PLPPR2: variants seen among roughly 807,000 people sequenced by gnomAD.
PLPPR2 encodes phospholipid phosphatase related 2.
A neutral mutation model predicts 40.3 loss-of-function variants in PLPPR2; 11 were observed. The ratio of observed to expected loss-of-function variants is 0.27; its 90% confidence interval spans 0.17 to 0.45. The LOEUF is 0.45. Ranked by LOEUF, PLPPR2 falls within the 20% of genes least tolerant of loss-of-function variation. The pLI, the probability that PLPPR2 is intolerant of heterozygous loss-of-function variation, is 1.00. For missense variants in PLPPR2, 497 were observed against 640.7 expected, an observed-to-expected ratio of 0.78 and a Z score of 2.42; for synonymous variants, 260 against 290.8, an observed-to-expected ratio of 0.89 and a Z score of 1.08.
Position 11,362,366 on chromosome 19 carries a change from T to A in PLPPR2, c.664-147T>A. ...GGTCACGCTCCCTGGAAAAGCCCAC[T>A]GGGAGCCCATGACTCCAACCCTGGA... On this transcript the variant is annotated intron_variant, in intron 6 of 9. Transcript: ENST00000688289. The surrounding 1 kb of genome is among the most constrained non-coding windows in gnomAD (Gnocchi z 5.3). 4.2e-6 allele frequency: 3 copies of A among 709,472 alleles called. No homozygotes were observed. Among genetic ancestry groups the A allele is most frequent in the Non-Finnish European group, 6.6e-6 (3 of 456,110 alleles). 43.9% of individuals were successfully genotyped at this position (709,472 alleles called of 1,614,324 possible).
rs769073640 is a variant in PLPPR2 at position 11,359,847 on chromosome 19, CT to C, written c.287del (p.Phe96SerfsTer55). Reference sequence around the variant, plus strand: ...TCCTGCTGGGAGAGCTGGCGCGTGCCTTTTTCCCTGCACCACCTTCAGCCGT... The same window carrying C: ...TCCTGCTGGGAGAGCTGGCGCGTGCCTTTTCCCTGCACCACCTTCAGCCGT... ...TILLGELARAFFPAPPSAVPV... is the reference protein window; with the variant it reads ...TILLGELARAXFPAPPSAVPV... On this transcript the variant is annotated frameshift_variant, in exon 5 of 10. Transcript: ENST00000688289. LOFTEE classifies it high-confidence loss of function. This position sits in a 1 kb window ranked among gnomAD's most constrained non-coding sequence, Gnocchi z 5.6. 5.0e-6 allele frequency: 8 copies of C among 1,613,204 alleles called. No individual in the cohort carries two copies. The highest frequency in any genetic ancestry group is 5.1e-6 in the Non-Finnish European group (6 of 1,179,416).
In PLPPR2 at chr19:11,359,805, T is replaced by G. The variant is rs756422107; in HGVS notation, c.256-16T>G. On this transcript the variant is annotated splice_polypyrimidine_tract_variant and intron_variant, in intron 4 of 9. Coordinates refer to ENST00000688289, the MANE Select transcript of PLPPR2 (RefSeq NM_001393892.1). The surrounding 1 kb of genome is among the most constrained non-coding windows in gnomAD (Gnocchi z 5.6). ...GGCTGGAAGGCCAGAAGACTCCATC[T>G]TGGTCTTGCCCACAGATCCTGCTGG... is the stretch of plus-strand genomic sequence containing the variant. The G allele has an allele frequency of 8.7e-6, 14 of 1,604,890 alleles. No individual in the cohort carries two copies. The highest frequency in any genetic ancestry group is 1.2e-5 in the Non-Finnish European group (14 of 1,173,624).
In PLPPR2 at chr19:11,364,367, C is replaced by G. The variant is rs143779658; in HGVS notation, c.1036C>G (p.Arg346Gly). ...ACCAGAGTCGCAGAACTGCGCCCGCCGTGGCCACCTGATCCCCAGCTGTGT... is the reference window on the plus strand; with the variant it reads ...ACCAGAGTCGCAGAACTGCGCCCGCGGTGGCCACCTGATCCCCAGCTGTGT... ...TPSKSQNCARRGHLIPSCVSS... is the reference protein window; with the variant it reads ...TPSKSQNCARGGHLIPSCVSS... The change falls in exon 10 of 10, where the codon CGT becomes GGT. Residue 346 changes from arginine (R) to glycine (G), a missense_variant. By Grantham distance (125) the Arg-to-Gly change is moderately radical. Transcript: ENST00000688289. This position sits in a 1 kb window ranked among gnomAD's most constrained non-coding sequence, Gnocchi z 5.8. The G allele has an allele frequency of 1.3e-6, 2 of 1,520,404 alleles. No homozygotes were observed. The highest frequency in any genetic ancestry group is 4.6e-5 in the East Asian group (2 of 43,952). The allele number at this position is 1,520,404 out of a possible 1,614,324, so 94.2% of individuals were successfully genotyped here.
In PLPPR2 at chr19:11,361,884, T is replaced by G. The variant is rs921788472; in HGVS notation, c.663+396T>G. The stretch of plus-strand genomic sequence containing the variant: ...AGACTGGGCAGATGGGACGGCCCCC[T>G]GGAGTCCTTGCCCCTCTTCTGGAGC... On this transcript the variant is annotated intron_variant, in intron 6 of 9. Transcript: ENST00000688289. This position sits in a 1 kb window ranked among gnomAD's most constrained non-coding sequence, Gnocchi z 6.3. Among the ~76,000 whole-genome samples the G allele has an allele frequency of 1.2e-4, 18 of 151,972 alleles. No individual in the cohort carries two copies. The highest frequency in any genetic ancestry group is 2.2e-4 in the Non-Finnish European group (15 of 67,966).
intron 3 of PLPPR2, among the ~76,000 whole-genome samples, chr19:11,358,029 CTGTGTGTGTGT>C (rs1287444976): frequency 1.3e-5 from 2 of 149,458 alleles, no homozygotes; most frequent in Non-Finnish European, 3.0e-5. Context: ...GGGCTGTTCT[CTGTGTGTGTGT>C]GTGTGTGTGT....
rs75735316 is a variant in PLPPR2, at chr19:11,359,281, G to A, written c.67-251G>A. ...CAAAGTGCTGGAATTACAGGCACGA[G>A]CCGCTGCACACGGCCCCTCTGTTTC... On this transcript the variant is annotated intron_variant, in intron 3 of 9. Coordinates refer to ENST00000688289, the MANE Select transcript of PLPPR2 (RefSeq NM_001393892.1). The surrounding 1 kb of genome is among the most constrained non-coding windows in gnomAD (Gnocchi z 5.6). Among the ~76,000 whole-genome samples the A allele has an allele frequency of 0.034, 5,202 of 152,254 alleles. 135 individuals carry two copies. The highest frequency in any genetic ancestry group is 0.049 in the Non-Finnish European group (3,334 of 68,002).
In PLPPR2 at chr19:11,359,835, G is replaced by T. The variant is rs774397131; in HGVS notation, c.270G>T (p.Glu90Asp). The change falls in exon 5 of 10, where the codon GAG becomes GAT. Residue 90 changes from glutamate (E) to aspartate (D), a missense_variant. Physicochemically the swap from Glu to Asp is conservative, Grantham distance 45. Coordinates refer to ENST00000688289, the MANE Select transcript of PLPPR2 (RefSeq NM_001393892.1). The surrounding 1 kb of genome is among the most constrained non-coding windows in gnomAD (Gnocchi z 5.6). Reference sequence around the variant, plus strand: ...CTTGCCCACAGATCCTGCTGGGAGAGCTGGCGCGTGCCTTTTTCCCTGCAC... The same window carrying T: ...CTTGCCCACAGATCCTGCTGGGAGATCTGGCGCGTGCCTTTTTCCCTGCAC... ...AGPTLTILLG[E>D]LARAFFPAPP... 1.2e-6 allele frequency: 2 copies of T among 1,612,472 alleles called. No homozygotes were observed. Among genetic ancestry groups the T allele is most frequent in the South Asian group, 2.2e-5 (2 of 90,882 alleles).
Position 11,361,532 on chromosome 19 carries a change from G to C in PLPPR2, c.663+44G>C. The C allele has an allele frequency of 6.4e-7, 1 of 1,553,360 alleles. No individual in the cohort carries two copies. Among genetic ancestry groups the C allele is most frequent in the Non-Finnish European group, 8.7e-7 (1 of 1,153,504 alleles). On this transcript the variant is annotated intron_variant, in intron 6 of 9. Coordinates refer to ENST00000688289, the MANE Select transcript of PLPPR2 (RefSeq NM_001393892.1). This position sits in a 1 kb window ranked among gnomAD's most constrained non-coding sequence, Gnocchi z 6.3. The stretch of plus-strand genomic sequence containing the variant: ...GGGGTCGGAAATGGGTGTGCAGGCT[G>C]GACAGCGACCAGCAGCTAGGAAGCC...
chr19:11,359,759 G>A lies in PLPPR2; in HGVS notation c.255+39G>A, dbSNP rs1414156677. ...GACCTCCTAGGAGGCAGGTGGGCCG[G>A]TAAGGGTGGGTGAGGGGATGGGCTG... On this transcript the variant is annotated intron_variant, in intron 4 of 9. Coordinates refer to ENST00000688289, the MANE Select transcript of PLPPR2 (RefSeq NM_001393892.1). This position sits in a 1 kb window ranked among gnomAD's most constrained non-coding sequence, Gnocchi z 5.6. 1.3e-6 allele frequency: 2 copies of A among 1,579,738 alleles called. No individual in the cohort carries two copies. Among genetic ancestry groups the A allele is most frequent in the African/African-American group, 2.7e-5 (2 of 74,432 alleles).
chr19:11,357,432 G>A (rs1464223572), intron 2 of PLPPR2, among the ~76,000 whole-genome samples: 4 of 151,920 alleles, frequency 2.6e-5, no homozygotes, highest in South Asian at 4.2e-4. Context: ...CTCTTGGGGA[G>A]TGGTGTCAGA....
chr19:11,357,683 G>A lies in PLPPR2; in HGVS notation c.10G>A (p.Gly4Arg), dbSNP rs759554235. 3.4e-5 allele frequency: 54 copies of A among 1,606,950 alleles called. No homozygotes were observed. The highest frequency in any genetic ancestry group is 4.1e-5 in the Non-Finnish European group (48 of 1,176,350). ...AGGCCTGGCCTTCACCATGGCGGGA[G>A]GGAGACCGCATCTGAAGAGGAGTTT... MAGGRPHLKRSFSI... is the reference protein window; with the variant it reads MAGRRPHLKRSFSI... Residue 4 changes from glycine (G) to arginine (R), a missense_variant, in exon 3 of 10, where the codon GGG becomes AGG. Physicochemically the swap from Gly to Arg is moderately radical, Grantham distance 125 (BLOSUM62 -2). Transcript: ENST00000688289.
At position 11,364,584 on chromosome 19, in the gene PLPPR2, C is replaced by T. The variant is rs777844203; in HGVS notation, c.1253C>T (p.Thr418Met). The change falls in exon 10 of 10, where the codon ACG becomes ATG. Residue 418 changes from threonine (T) to methionine (M), a missense_variant. Physicochemically the swap from Thr to Met is moderately conservative, Grantham distance 81. Transcript: ENST00000688289. The surrounding 1 kb of genome is among the most constrained non-coding windows in gnomAD (Gnocchi z 5.8). ...CGTGGCCGGAAGCTGCTGCTGCCCA[C>T]GCCCCTGCTGCGGGACCTGTACACC... ...GGRGRKLLLP[T>M]PLLRDLYTLS... 4 of 1,537,146 alleles carry T rather than the reference C, an allele frequency of 2.6e-6. No individual in the cohort carries two copies. Among genetic ancestry groups the T allele is most frequent in the South Asian group, 2.4e-5 (2 of 84,068 alleles).
chr19:11,356,113 C>T (rs1010281757), intron 1 of PLPPR2, among the ~76,000 whole-genome samples: 1 of 151,386 alleles, frequency 6.6e-6, no homozygotes, highest in Admixed American at 6.6e-5. Flanking sequence ...TGGCTGTGGT[C>T]GTGCGCTGTG....
rs747647591 is a variant in PLPPR2 at position 11,361,350 on chromosome 19, T to C, written c.525T>C (p.Ser175=). ...CGGCCCTGGGCTGCCTGCCACCTTC[T>C]CCGGATCGGCCAGGTCCCGACCGCT... The part of the protein sequence containing the change: ...NYTALGCLPP[S]PDRPGPDRFV... Residue 175 remains serine, a synonymous_variant, in exon 6 of 10, where the codon TCT becomes TCC. Coordinates refer to ENST00000688289, the MANE Select transcript of PLPPR2 (RefSeq NM_001393892.1). This position sits in a 1 kb window ranked among gnomAD's most constrained non-coding sequence, Gnocchi z 6.3. 3.1e-6 allele frequency: 5 copies of C among 1,613,256 alleles called. No homozygotes were observed. The South Asian group carries it at 5.5e-5, about 18-fold the overall frequency.
At chr19:11,357,840 C>T in intron 3 of PLPPR2, 101 bp downstream of exon 3, 1 of 872,520 alleles carries the variant, frequency 1.1e-6, no homozygotes, top group Non-Finnish European at 1.7e-6. Flanking sequence ...TCTGGGATCT[C>T]CCTTGCTGTC....
intron 1 of PLPPR2, 138 bp from the exon 2 acceptor site, chr19:11,356,664 T>TTGTGTGTG (rs66994507): frequency 0.14 from 20,113 of 145,836 alleles, 1,414 homozygotes; most frequent in Middle Eastern, 0.21. Flanking sequence ...TATGCCATGG[T>TTGTGTGTG]TGTGTGTGTG....
rs995896811 is a variant in PLPPR2, at chr19:11,355,453, C to T, written c.-309C>T. ...CGGAGTCTGCGCGGCGCGGCCAGGC[C>T]CGGCCGACCGCGTCTCGGTCTTCGC... is the stretch of plus-strand genomic sequence containing the variant. On this transcript the variant is annotated 5_prime_UTR_variant, in exon 1 of 10. Coordinates refer to ENST00000688289, the MANE Select transcript of PLPPR2 (RefSeq NM_001393892.1). 1 of 152,464 alleles carries T rather than the reference C, an allele frequency of 6.6e-6. No homozygotes were observed. The highest frequency in any genetic ancestry group is 1.5e-5 in the Non-Finnish European group (1 of 68,102). 9.4% of individuals were successfully genotyped at this position (152,464 alleles called of 1,614,324 possible). A position where few individuals can be genotyped will look rare whatever the true frequency, so the allele number is the denominator to read the frequency against.
At position 11,361,578 on chromosome 19, in the gene PLPPR2, T is replaced by G. The variant is rs1388912423; in HGVS notation, c.663+90T>G. ...AAGCCGCCAGGGTTGGAGCCTCTGC[T>G]CTTCCACGCCCCGGGTGCTGTTGGA... On this transcript the variant is annotated intron_variant, in intron 6 of 9. Transcript: ENST00000688289. The surrounding 1 kb of genome is among the most constrained non-coding windows in gnomAD (Gnocchi z 6.3). 6.7e-7 allele frequency: 1 copy of G among 1,498,550 alleles called. No homozygotes were observed. The highest frequency in any genetic ancestry group is 2.0e-5 in the Admixed American group (1 of 49,186). 92.8% of individuals were successfully genotyped at this position (1,498,550 alleles called of 1,614,324 possible).
In PLPPR2 at chr19:11,362,321, C is replaced by CA; in HGVS notation, c.664-192_664-191insA. On this transcript the variant is annotated intron_variant, in intron 6 of 9. Coordinates refer to ENST00000688289, the MANE Select transcript of PLPPR2 (RefSeq NM_001393892.1). The surrounding 1 kb of genome is among the most constrained non-coding windows in gnomAD (Gnocchi z 5.3). ...AGACTCCAAGACCTCAATCCCTGAC[C>CA]CCCCCCCCTTTGCCTTTTTGGTCAC... The CA allele has an allele frequency of 5.5e-6, 3 of 542,472 alleles. No homozygotes were observed. The South Asian group carries it at 6.4e-5, about 12-fold the overall frequency. 33.6% of individuals were successfully genotyped at this position (542,472 alleles called of 1,614,324 possible). A position where few individuals can be genotyped will look rare whatever the true frequency, so the allele number is the denominator to read the frequency against.
Sources: allele counts gnomAD v4.1 joint callset (sites outside exome capture counted in the v4.1 genomes callset), GRCh38; gene constraint gnomAD v4.1.1; non-coding constraint Gnocchi (gnomAD v3.1); transcripts MANE v1.5; gene names NCBI Gene and HGNC (gene_info 2026-07-23, HGNC 2026-07-21).